Variants in TSPAN14 observed in about 807,000 individuals in gnomAD.
TSPAN14 encodes tetraspanin-14.
In TSPAN14, 16 loss-of-function variants were observed where a neutral mutation model predicts 36.6. The observed-to-expected ratio is 0.44, with a 90% CI of 0.30 to 0.66. The LOEUF (loss-of-function observed/expected upper bound fraction) is 0.66, where lower values mean the gene tolerates loss of function less well. TSPAN14 is among the 30% of genes least tolerant of loss of function. The probability of loss-of-function intolerance (pLI) is 0.12; values close to 1 mark genes in which losing one functional copy is unlikely to be tolerated. For synonymous variants in TSPAN14, 139 were observed against 143.8 expected (o/e 0.97, Z 0.24); for missense variants, 231 against 355.1 (o/e 0.65, Z 2.81).
intron 8 of TSPAN14, among the ~76,000 whole-genome samples, chr10:80,516,793 T>A (rs1314152877): frequency 1.3e-5 from 2 of 152,238 alleles, no homozygotes; most frequent in African/African-American, 4.8e-5. Flanking sequence ...CTCTGGCCCC[T>A]GGGCTGGAGT....
intron 1 of TSPAN14, among the ~76,000 whole-genome samples, chr10:80,476,973 A>T (rs1251020294): frequency 6.6e-6 from 1 of 152,174 alleles, no homozygotes; most frequent in East Asian, 1.9e-4. Flanking sequence ...TTCTAGGCTC[A>T]TTCAGGTTTT....
At chr10:80,488,283 A>G (rs1847737396) in intron 1 of TSPAN14, among the ~76,000 whole-genome samples, 1 of 152,162 alleles carries the variant, frequency 6.6e-6, no homozygotes, top group Admixed American at 6.5e-5. Flanking sequence ...GTCCACCTGG[A>G]TTGCCACTGG....
At chr10:80,514,708 T>G (rs1840837913) in intron 7 of TSPAN14, among the ~76,000 whole-genome samples, 1 of 152,208 alleles carries the variant, frequency 6.6e-6, no homozygotes, top group Admixed American at 6.5e-5. Flanking sequence ...GGAACTGTCC[T>G]CCTTTAGGGA....
intron 1 of TSPAN14, among the ~76,000 whole-genome samples, chr10:80,461,121 C>T (rs927365041): frequency 2.0e-5 from 3 of 152,158 alleles, no homozygotes; most frequent in Non-Finnish European, 4.4e-5. Flanking sequence ...GAGGCTCCTC[C>T]TTTTCTCTCT....
intron 1 of TSPAN14, among the ~76,000 whole-genome samples, chr10:80,476,364 T>G (rs948857271): frequency 6.6e-6 from 1 of 151,130 alleles, no homozygotes; most frequent in Admixed American, 6.6e-5. Flanking sequence ...AGCAAGACCC[T>G]GTCTCAAAAA....
chr10:80,512,014 G>T (rs1433405508), intron 5 of TSPAN14, 130 bp from the exon 6 acceptor site: 1 of 1,418,174 alleles, frequency 7.1e-7, no homozygotes. Flanking sequence ...GAGGTAGGGG[G>T]CGGGCCTTGA....
At chr10:80,488,137 G>A (rs1252613772) in intron 1 of TSPAN14, among the ~76,000 whole-genome samples, 2 of 152,124 alleles carry the variant, frequency 1.3e-5, no homozygotes, top group Non-Finnish European at 2.9e-5. Flanking sequence ...GGAAGTGGGG[G>A]GTGAGCAGGG....
intron 1 of TSPAN14, among the ~76,000 whole-genome samples, chr10:80,476,631 G>A (rs1396184219): frequency 1.3e-5 from 2 of 151,756 alleles, no homozygotes; most frequent in Non-Finnish European, 2.9e-5. Context: ...TAGCCAAGAT[G>A]GTCTCGATAT....
intron 1 of TSPAN14, among the ~76,000 whole-genome samples, chr10:80,479,649 T>G (rs1847133151): frequency 6.6e-6 from 1 of 152,254 alleles, no homozygotes; most frequent in African/African-American, 2.4e-5. Flanking sequence ...TCCATTGGTC[T>G]ATATCTCTGT....
intron 2 of TSPAN14, among the ~76,000 whole-genome samples, chr10:80,494,090 G>C (rs189364938): frequency 2.6e-5 from 4 of 152,292 alleles, no homozygotes; most frequent in African/African-American, 9.6e-5. Context: ...ATAGACTGTA[G>C]GCCTGTGTTA....
chr10:80,471,866 G>A (rs1846570898), intron 1 of TSPAN14, among the ~76,000 whole-genome samples: 1 of 152,220 alleles, frequency 6.6e-6, no homozygotes, highest in Non-Finnish European at 1.5e-5. Flanking sequence ...TGAGCTGCCT[G>A]ATGAATCATT....
At chr10:80,466,785 C>T (rs1400110999) in intron 1 of TSPAN14, among the ~76,000 whole-genome samples, 1 of 151,996 alleles carries the variant, frequency 6.6e-6, no homozygotes, top group Non-Finnish European at 1.5e-5. Flanking sequence ...TGCTTGAGGC[C>T]GTTGGATTAC....
At position 80,468,258 on chromosome 10, in the gene TSPAN14, C is replaced by T. The variant is rs74343381; in HGVS notation, c.-18+13887C>T. Among the ~76,000 whole-genome samples the T allele has an allele frequency of 8.9e-3, 1,362 of 152,284 alleles. 18 individuals carry two copies. The highest frequency in any genetic ancestry group is 0.032 in the African/African-American group (1,309 of 41,540). ...TTCCTCCCATTGTCTTCGGGGCCAG[C>T]CTGTGTCACTGCTCTAGGCTGTGTT... On this transcript the variant is annotated intron_variant, in intron 1 of 8. Coordinates refer to ENST00000429989, the Ensembl canonical transcript of TSPAN14.
rs569073240 is a variant in TSPAN14, at chr10:80,463,037, G to A, written c.-18+8666G>A. The A allele has an allele frequency of 4.6e-5, 7 of 152,312 alleles. No homozygotes were observed. In the East Asian group the frequency reaches 1.2e-3, roughly 25 times the overall value. 9.4% of individuals were successfully genotyped at this position (152,312 alleles called of 1,614,324 possible). ...CAGCAGATGGTCTGGTTTCTTTTGT[G>A]CCTTTGTCAGAATCTGTTCTTGCTC... On this transcript the variant is annotated intron_variant, in intron 1 of 8. Coordinates refer to ENST00000429989, the Ensembl canonical transcript of TSPAN14.
intron 1 of TSPAN14, chr10:80,485,814 T>A (rs543689987): frequency 4.2e-6 from 2 of 478,682 alleles, no homozygotes. Flanking sequence ...AATAGTTTCC[T>A]CTTCTGTGGG....
intron 3 of TSPAN14, among the ~76,000 whole-genome samples, chr10:80,505,002 T>C (rs944464260): frequency 6.6e-6 from 1 of 152,158 alleles, no homozygotes. Context: ...TTGAGCCCTG[T>C]GGATGTGGAG....
At chr10:80,456,038 C>T (rs1401028473) in intron 1 of TSPAN14, among the ~76,000 whole-genome samples, 3 of 152,152 alleles carry the variant, frequency 2.0e-5, no homozygotes, top group African/African-American at 4.8e-5. Context: ...GCTTGGGCCA[C>T]CTAATGTCAT....
At chr10:80,522,196 C>A (rs962959362) in exon 9 of TSPAN14, 5 of 152,216 alleles carry the variant, frequency 3.3e-5, no homozygotes, top group Non-Finnish European at 5.9e-5. Context: ...CCAGCAGGGT[C>A]TTCCAATGCA....
intron 1 of TSPAN14, among the ~76,000 whole-genome samples, chr10:80,468,014 A>G (rs571348040): frequency 5.3e-5 from 8 of 152,354 alleles, no homozygotes; most frequent in East Asian, 3.9e-4. Context: ...AATGAAAACA[A>G]TATCCCCATT....
Sources: gnomAD v4.1 joint callset for allele counts (sites outside exome capture counted in the v4.1 genomes callset) on GRCh38, gnomAD v4.1.1 for gene constraint, MANE v1.5 for transcripts, NCBI Gene and HGNC (gene_info 2026-07-23, HGNC 2026-07-21) for gene names.